PTPRQ: variants seen among roughly 807,000 people sequenced by gnomAD.
PTPRQ encodes protein tyrosine phosphatase receptor type Q.
A neutral mutation model predicts 246.0 loss-of-function variants in PTPRQ; 199 were observed. The observed-to-expected ratio is 0.81, with a 90% CI of 0.72 to 0.91. The LOEUF (loss-of-function observed/expected upper bound fraction) is 0.91. Ranked by LOEUF, PTPRQ falls within the 40% of genes least tolerant of loss-of-function variation. PTPRQ has a pLI of 0.00. For synonymous variants in PTPRQ, 869 were observed against 853.2 expected, an observed-to-expected ratio of 1.02 and a Z score of -0.32; for missense variants, 2,624 against 2,528.4, an observed-to-expected ratio of 1.04 and a Z score of -0.81.
chr12:80,493,278 A>G lies in PTPRQ; in HGVS notation c.1363A>G (p.Ile455Val), dbSNP rs1894506287. ...NTLLTGNNEY[I>V]NDPMAPEIVN... The stretch of plus-strand genomic sequence containing the variant: ...AAATATCTACTTTTAATTACAGTAT[A>G]TAAATGACCCCATGGCTCCAGAAAT... Residue 455 changes from isoleucine to valine, a missense_variant, in exon 10 of 45, where the codon ATA (isoleucine) becomes GTA (valine). Ile to Val is a conservative substitution (Grantham distance 29). Transcript: ENST00000644991. 3 of 1,522,860 alleles carry G rather than the reference A, an allele frequency of 2.0e-6. No homozygotes were observed. Among genetic ancestry groups the G allele is most frequent in the African/African-American group, 2.8e-5 (2 of 71,524 alleles). The allele number at this position is 1,522,860 out of a possible 1,614,324, so 94.3% of individuals were successfully genotyped here. A position where few individuals can be genotyped will look rare whatever the true frequency, so the allele number is the denominator to read the frequency against.
intron 6 of PTPRQ, among the ~76,000 whole-genome samples, chr12:80,467,914 G>T (rs1034173357): frequency 3.3e-5 from 5 of 152,124 alleles, no homozygotes; most frequent in African/African-American, 7.2e-5. Context: ...GCTAAATGAC[G>T]AGTTAATGGG....
At chr12:80,553,066 T>C (rs7297764) in intron 25 of PTPRQ, among the ~76,000 whole-genome samples, 32,421 of 151,920 alleles carry the variant, frequency 0.21, 4,750 homozygotes, top group African/African-American at 0.41. Flanking sequence ...CCTTGGACAT[T>C]GTAGGCATTC....
chr12:80,585,540 G>A (rs1897584029), intron 25 of PTPRQ, among the ~76,000 whole-genome samples: 1 of 152,090 alleles, frequency 6.6e-6, no homozygotes, highest in Admixed American at 6.6e-5. Context: ...CTGCTCAAAT[G>A]AAAGCCATGA....
In PTPRQ at chr12:80,510,374, C is replaced by T. The variant is rs1056513479; in HGVS notation, c.2609C>T (p.Thr870Met). The T allele has an allele frequency of 1.5e-5, 24 of 1,549,952 alleles. No homozygotes were observed. Among genetic ancestry groups the T allele is most frequent in the African/African-American group, 1.4e-4 (10 of 72,922 alleles). ...TCTGTAAAACAGTTGTCTGGTGTCA[C>T]GGTGAAGTTGTCATGGCAACCACCC... ...DFSVKQLSGV[T>M]VKLSWQPPLE... is the part of the protein sequence containing the mutation. The change falls in exon 17 of 45, where the codon ACG becomes ATG. Residue 870 changes from threonine to methionine, a missense_variant. Transcript: ENST00000644991.
intron 24 of PTPRQ, among the ~76,000 whole-genome samples, chr12:80,549,145 G>C (rs1896393442): frequency 6.6e-6 from 1 of 152,080 alleles, no homozygotes; most frequent in Non-Finnish European, 1.5e-5. Context: ...TAAGAGAGCA[G>C]TTATCAAACA....
intron 18 of PTPRQ, 27 bp from the exon 19 acceptor site, chr12:80,534,865 T>C (rs1478171205): frequency 2.6e-6 from 4 of 1,542,096 alleles, no homozygotes; most frequent in South Asian, 1.2e-5. Context: ...ACAAATACAG[T>C]AATTTGTTCA....
At chr12:80,460,562 A>G in intron 5 of PTPRQ, 91 bp from the exon 6 acceptor site, 2 of 396,964 alleles carry the variant, frequency 5.0e-6, no homozygotes, top group East Asian at 7.1e-5. Flanking sequence ...TGTATAGCAT[A>G]AAAGAAAAAG....
intron 3 of PTPRQ, among the ~76,000 whole-genome samples, chr12:80,449,836 T>A (rs1232319170): frequency 6.6e-6 from 1 of 152,192 alleles, no homozygotes; most frequent in African/African-American, 2.4e-5. Flanking sequence ...TTCTTTTGGC[T>A]TAGGATTGAC....
intron 24 of PTPRQ, among the ~76,000 whole-genome samples, chr12:80,548,064 A>T (rs1448013149): frequency 6.6e-6 from 1 of 152,204 alleles, no homozygotes; most frequent in East Asian, 1.9e-4. Context: ...TAAATAAAAA[A>T]ATATTTTAAT....
chr12:80,668,749 A>G (rs1249815303), intron 39 of PTPRQ, among the ~76,000 whole-genome samples: 1 of 151,994 alleles, frequency 6.6e-6, no homozygotes, highest in Non-Finnish European at 1.5e-5. Flanking sequence ...TTATTATTGT[A>G]AATATTATTA....
intron 39 of PTPRQ, among the ~76,000 whole-genome samples, chr12:80,667,306 A>G (rs181417906): frequency 4.6e-5 from 7 of 152,070 alleles, no homozygotes; most frequent in Non-Finnish European, 8.8e-5. Flanking sequence ...CACCAGTGAT[A>G]TGTGAAGTTT....
chr12:80,570,497 G>A (rs914979975), intron 25 of PTPRQ, among the ~76,000 whole-genome samples: 1 of 151,922 alleles, frequency 6.6e-6, no homozygotes, highest in Non-Finnish European at 1.5e-5. Flanking sequence ...TTTGTCAGGT[G>A]GATAGATTGC....
At chr12:80,479,284 T>C (rs1382938754) in intron 8 of PTPRQ, among the ~76,000 whole-genome samples, 1 of 147,928 alleles carries the variant, frequency 6.8e-6, no homozygotes, top group African/African-American at 2.5e-5. Flanking sequence ...CTAAGCTTCA[T>C]AAGTGAAGGA....
Position 80,679,016 on chromosome 12 carries a change from C to T in PTPRQ, c.6893C>T (p.Thr2298Ile), listed in dbSNP as rs1592789054. ...GDVELEWEET[T>I]M ...GTTGAGCTTGAATGGGAAGAAACCA[C>T]TATGTAAATATTCAGACCAAAGGAT... is the stretch of plus-strand genomic sequence containing the variant. Residue 2298 changes from threonine (T) to isoleucine (I), a missense_variant, in exon 45 of 45, where the codon ACT becomes ATT. Coordinates refer to ENST00000644991, the MANE Select transcript of PTPRQ (RefSeq NM_001145026.2). 1.3e-6 allele frequency: 2 copies of T among 1,547,750 alleles called. No individual in the cohort carries two copies. The highest frequency in any genetic ancestry group is 1.7e-6 in the Non-Finnish European group (2 of 1,145,248).
chr12:80,547,381 C>T (rs549914272), intron 24 of PTPRQ, among the ~76,000 whole-genome samples: 8 of 151,612 alleles, frequency 5.3e-5, no homozygotes, highest in Admixed American at 1.3e-4. Context: ...TTTTTGTTTA[C>T]TTCTGTCAAT....
intron 33 of PTPRQ, among the ~76,000 whole-genome samples, chr12:80,626,132 G>T (rs1899192875): frequency 6.6e-6 from 1 of 152,108 alleles, no homozygotes. Flanking sequence ...TTCAGAAATA[G>T]GGAGTTGCTA....
chr12:80,676,826 G>T (rs1035961114), intron 43 of PTPRQ, among the ~76,000 whole-genome samples: 1 of 152,086 alleles, frequency 6.6e-6, no homozygotes, highest in Admixed American at 6.6e-5. Flanking sequence ...AACATATTTT[G>T]GATGTCCAGT....
Position 80,679,125 on chromosome 12 carries a change from A to G in PTPRQ, c.*102A>G. ...TTGAAATGTGCAACCTTAAAGAAAT[A>G]TCTATGCTTCTCTCACTGTGCCTTT... On this transcript the variant is annotated 3_prime_UTR_variant, in exon 45 of 45. Transcript: ENST00000644991. 1 of 1,391,000 alleles carries G rather than the reference A, an allele frequency of 7.2e-7. No homozygotes were observed. 86.2% of individuals were successfully genotyped at this position (1,391,000 alleles called of 1,614,324 possible).
In PTPRQ at chr12:80,452,650, T is replaced by A. The variant is rs547070942; in HGVS notation, c.391-4925T>A. Among the ~76,000 whole-genome samples the A allele has an allele frequency of 2.0e-5, 3 of 152,310 alleles. No homozygotes were observed. The South Asian group carries it at 6.2e-4, about 32-fold the overall frequency. ...AGCTTAGTTTGGCTGGATATGAAAT[T>A]CTGGGTTGCAAATTCTTTTCTTTAA... is the stretch of plus-strand genomic sequence containing the variant. On this transcript the variant is annotated intron_variant, in intron 3 of 44. Coordinates refer to ENST00000644991, the MANE Select transcript of PTPRQ (RefSeq NM_001145026.2).
Sources: gnomAD v4.1 joint callset for allele counts (sites outside exome capture counted in the v4.1 genomes callset) on GRCh38, gnomAD v4.1.1 for gene constraint, MANE v1.5 for transcripts, NCBI Gene and HGNC (gene_info 2026-07-23, HGNC 2026-07-21) for gene names.